SPECC1: variants seen among roughly 807,000 people sequenced by gnomAD.
The protein encoded by SPECC1 is sperm antigen with calponin homology and coiled-coil domains 1.
In SPECC1, 62 loss-of-function variants were observed where a neutral mutation model predicts 104.1. The observed-to-expected ratio is 0.60, with a 90% CI of 0.49 to 0.74. The LOEUF is 0.74. Among genes scored for constraint, SPECC1 ranks in the 30% least tolerant of loss-of-function variants. The probability of loss-of-function intolerance (pLI) is 0.00; values close to 1 mark genes in which losing one functional copy is unlikely to be tolerated. For synonymous variants in SPECC1, 513 were observed against 501.6 expected (o/e 1.02, Z -0.30); for missense variants, 1,306 against 1,310.5 (o/e 1.00, Z 0.05).
At chr17:20,260,118 A>G in intron 11 of SPECC1, 74 bp from the exon 12 acceptor site, 1 of 1,215,328 alleles carries the variant, frequency 8.2e-7, no homozygotes, top group Non-Finnish European at 1.2e-6. Context: ...TAAAGTAGGT[A>G]TTTATTTCTT....
In SPECC1 at chr17:20,157,598, T is replaced by C. The variant is rs1022940116; in HGVS notation, c.284-46735T>C. 3.9e-5 allele frequency among the ~76,000 whole-genome samples: 6 copies of C among 152,304 alleles called. No homozygotes were observed. The East Asian group carries it at 7.7e-4, about 20-fold the overall frequency. On this transcript the variant is annotated intron_variant, in intron 3 of 14. Coordinates refer to ENST00000395527, the MANE Select transcript of SPECC1 (RefSeq NM_001243439.2). Reference sequence around the variant, plus strand: ...TGTCCAGGTATTGTGAAAACCCCTGTGTATTATTTCCTTTGTGTTAAAATT... The same window carrying C: ...TGTCCAGGTATTGTGAAAACCCCTGCGTATTATTTCCTTTGTGTTAAAATT...
rs777968397 is a variant in SPECC1 at position 20,204,422 on chromosome 17, C to T, written c.373C>T (p.Pro125Ser). Reference sequence around the variant, plus strand: ...AAGAGAGAGGTCTGTGCCACGTGGTCCCTCCAACCCCAGGAAATCAGTGTC... The same window carrying T: ...AAGAGAGAGGTCTGTGCCACGTGGTTCCTCCAACCCCAGGAAATCAGTGTC... ...VSRERSVPRG[P>S]SNPRKSVSSP... The change falls in exon 4 of 15, where the codon CCC becomes TCC. Residue 125 changes from proline (P) to serine (S), a missense_variant. Transcript: ENST00000395527. 8 of 1,614,116 alleles carry T rather than the reference C, an allele frequency of 5.0e-6. No homozygotes were observed. Among genetic ancestry groups the T allele is most frequent in the Non-Finnish European group, 5.1e-6 (6 of 1,180,032 alleles).
intron 10 of SPECC1, among the ~76,000 whole-genome samples, chr17:20,254,633 A>G (rs2039759353): frequency 6.6e-6 from 1 of 152,158 alleles, no homozygotes; most frequent in African/African-American, 2.4e-5. Context: ...CTTAGAACCT[A>G]TGTATGTGTC....
chr17:20,244,086 G>A (rs1039888102), intron 7 of SPECC1, among the ~76,000 whole-genome samples: 2 of 152,096 alleles, frequency 1.3e-5, no homozygotes, highest in Non-Finnish European at 2.9e-5. Flanking sequence ...TTAGCAAAGT[G>A]TGCTGGTGCT....
At chr17:20,104,032 A>G (rs1163256018) in intron 2 of SPECC1, among the ~76,000 whole-genome samples, 1 of 152,176 alleles carries the variant, frequency 6.6e-6, no homozygotes, top group South Asian at 2.1e-4. Context: ...GAGTGGTGGC[A>G]TTTCTATGTT....
At chr17:20,162,303 G>A (rs1034061212) in intron 3 of SPECC1, among the ~76,000 whole-genome samples, 6 of 151,586 alleles carry the variant, frequency 4.0e-5, no homozygotes, top group Admixed American at 1.3e-4. Flanking sequence ...CTGCCACTGC[G>A]CCCGGCTAAT....
At chr17:20,029,449 G>A (rs1023252702) in intron 1 of SPECC1, among the ~76,000 whole-genome samples, 3 of 152,166 alleles carry the variant, frequency 2.0e-5, no homozygotes, top group African/African-American at 7.2e-5. Flanking sequence ...CGTATCGCCT[G>A]TAAATAGAGA....
chr17:20,175,408 T>A (rs948660128), intron 3 of SPECC1, among the ~76,000 whole-genome samples: 1 of 152,270 alleles, frequency 6.6e-6, no homozygotes, highest in Non-Finnish European at 1.5e-5. Context: ...TTACTTTTTC[T>A]TCTGTGTGTG....
chr17:20,304,669 A>G (rs1006508792), intron 13 of SPECC1, among the ~76,000 whole-genome samples: 1 of 152,170 alleles, frequency 6.6e-6, no homozygotes, highest in Non-Finnish European at 1.5e-5. Context: ...TTTCTTAAGA[A>G]GGAACCTAGG....
At chr17:20,176,132 T>TCTTG (rs1389984069) in intron 3 of SPECC1, among the ~76,000 whole-genome samples, 2 of 152,254 alleles carry the variant, frequency 1.3e-5, no homozygotes, top group African/African-American at 2.4e-5. Context: ...CAGGCTAGTT[T>TCTTG]CTTGCTTGCT....
intron 13 of SPECC1, among the ~76,000 whole-genome samples, chr17:20,302,407 C>T (rs1314176083): frequency 4.6e-5 from 7 of 152,140 alleles, no homozygotes; most frequent in Non-Finnish European, 7.3e-5. Context: ...GGAAGTGAGG[C>T]CCTTCGGAGC....
intron 10 of SPECC1, 145 bp from the exon 11 acceptor site, chr17:20,257,306 C>T: frequency 1.3e-5 from 12 of 904,728 alleles, no homozygotes; most frequent in Non-Finnish European, 1.9e-5. Context: ...ATCCACATCC[C>T]TATTGCATTT....
chr17:20,073,071 T>C (rs772976759), intron 1 of SPECC1, among the ~76,000 whole-genome samples: 1 of 152,068 alleles, frequency 6.6e-6, no homozygotes, highest in Non-Finnish European at 1.5e-5. Context: ...ATGAAAAGAT[T>C]TATTTAGAAC....
intron 3 of SPECC1, among the ~76,000 whole-genome samples, chr17:20,181,355 A>G (rs2034874155): frequency 6.6e-6 from 1 of 152,156 alleles, no homozygotes. Context: ...GAACAACACT[A>G]GTTCTTTGAA....
At chr17:20,234,886 T>C (rs748014746) in intron 7 of SPECC1, among the ~76,000 whole-genome samples, 3 of 152,276 alleles carry the variant, frequency 2.0e-5, no homozygotes, top group Admixed American at 6.5e-5. Flanking sequence ...AACTCATCCA[T>C]GATCTTCGGT....
chr17:20,244,411 A>C (rs1008058609), intron 7 of SPECC1, among the ~76,000 whole-genome samples: 2 of 152,216 alleles, frequency 1.3e-5, no homozygotes, highest in African/African-American at 4.8e-5. Context: ...AAATTATTTA[A>C]AAATTATTTT....
intron 1 of SPECC1, among the ~76,000 whole-genome samples, chr17:20,038,472 T>C (rs8077197): frequency 0.02 from 2,902 of 148,586 alleles, 81 homozygotes; most frequent in African/African-American, 0.063. Context: ...CAATCTTGGC[T>C]CACTGCAACC....
At chr17:20,210,838 A>C (rs2037096332) in intron 4 of SPECC1, among the ~76,000 whole-genome samples, 11 of 145,286 alleles carry the variant, frequency 7.6e-5, no homozygotes, top group East Asian at 2.1e-4. Flanking sequence ...CCATATTCCC[A>C]CCCCTCCCTC....
intron 3 of SPECC1, among the ~76,000 whole-genome samples, chr17:20,158,023 G>A (rs994930344): frequency 6.6e-6 from 1 of 152,124 alleles, no homozygotes; most frequent in Non-Finnish European, 1.5e-5. Flanking sequence ...AATTTTAACT[G>A]GCCTTCTAAT....
Sources: allele counts gnomAD v4.1 joint callset (sites outside exome capture counted in the v4.1 genomes callset), GRCh38; gene constraint gnomAD v4.1.1; transcripts MANE v1.5; gene names NCBI Gene and HGNC (gene_info 2026-07-23, HGNC 2026-07-21).